The following GRM7 variants were observed in gnomAD, a reference collection of about 807,000 sequenced individuals.
GRM7 encodes the protein glutamate metabotropic receptor 7, also known as metabotropic glutamate receptor 7.
Under a neutral mutation model 84.5 loss-of-function variants are expected in GRM7, and 35 were observed. That is an observed-to-expected ratio of 0.41 (90% confidence interval 0.32 to 0.55). The LOEUF (loss-of-function observed/expected upper bound fraction) is 0.55. Among genes scored for constraint, GRM7 ranks in the 20% least tolerant of loss-of-function variants. The pLI, the probability that GRM7 is intolerant of heterozygous loss-of-function variation, is 0.19. For missense variants in GRM7, 1,003 were observed against 1,194.6 expected, an observed-to-expected ratio of 0.84 and a Z score of 2.36; for synonymous variants, 487 against 455.1, an observed-to-expected ratio of 1.07 and a Z score of -0.89.
intron 4 of GRM7, among the ~76,000 whole-genome samples, chr3:7,338,085 T>G (rs1701491971): frequency 6.7e-6 from 1 of 149,490 alleles, no homozygotes; most frequent in Non-Finnish European, 1.5e-5. Flanking sequence ...TACATTTATA[T>G]ATTATATATC....
At chr3:7,001,143 T>G (rs191977491) in intron 1 of GRM7, among the ~76,000 whole-genome samples, 3 of 152,240 alleles carry the variant, frequency 2.0e-5, no homozygotes, top group Admixed American at 1.3e-4. Context: ...CCTTTTTAAA[T>G]ACAATAAGCC....
At chr3:7,033,451 A>G (rs1696263398) in intron 1 of GRM7, among the ~76,000 whole-genome samples, 1 of 152,206 alleles carries the variant, frequency 6.6e-6, no homozygotes, top group African/African-American at 2.4e-5. Flanking sequence ...TTAGGGATAA[A>G]CATGAAAAGC....
rs1695252617 is a variant in GRM7, at chr3:7,008,322, G to A, written c.520-138130G>A. 2.0e-5 allele frequency among the ~76,000 whole-genome samples: 3 copies of A among 152,142 alleles called. No individual in the cohort carries two copies. In the South Asian group the frequency reaches 6.2e-4, roughly 32 times the overall value. On this transcript the variant is annotated intron_variant, in intron 1 of 9. Transcript: ENST00000357716. ...CCTATTTAGTTTGTTGTTGATTCAA[G>A]CTCATCTTTTGTTTAGGACCTGGTC...
chr3:6,927,678 T>C (rs1697362587), intron 1 of GRM7, among the ~76,000 whole-genome samples: 1 of 152,210 alleles, frequency 6.6e-6, no homozygotes, highest in South Asian at 2.1e-4. Flanking sequence ...AATCTACTCA[T>C]TTTATACACA....
intron 1 of GRM7, among the ~76,000 whole-genome samples, chr3:6,973,350 C>T (rs1693841314): frequency 6.6e-6 from 1 of 152,040 alleles, no homozygotes; most frequent in African/African-American, 2.4e-5. Context: ...GATCTCAGTA[C>T]TAAAGATTAG....
chr3:7,605,772 T>C (rs768524570), intron 8 of GRM7, among the ~76,000 whole-genome samples: 2 of 152,198 alleles, frequency 1.3e-5, no homozygotes, highest in African/African-American at 4.8e-5. Context: ...ATGATAACAC[T>C]GTATGGGGCA....
At chr3:6,905,573 T>TTC (rs57968526) in intron 1 of GRM7, among the ~76,000 whole-genome samples, 2 of 151,354 alleles carry the variant, frequency 1.3e-5, no homozygotes, top group Non-Finnish European at 2.9e-5. Context: ...CCCTTCCTCT[T>TTC]TCTCTCTCCC....
At chr3:7,707,930 ATTT>A (rs34344224) in intron 9 of GRM7, among the ~76,000 whole-genome samples, 33 of 123,648 alleles carry the variant, frequency 2.7e-4, no homozygotes, top group Admixed American at 4.1e-4. Context: ...GAAGCTTTCA[ATTT>A]TTTTTTTTTT....
intron 1 of GRM7, among the ~76,000 whole-genome samples, chr3:7,043,808 G>T (rs183329712): frequency 1.1e-3 from 162 of 152,240 alleles, no homozygotes; most frequent in Admixed American, 7.5e-3. Flanking sequence ...TCTGCAGTTG[G>T]TTTTCAGAAT....
At chr3:7,427,280 C>T (rs1239270218) in intron 5 of GRM7, among the ~76,000 whole-genome samples, 2 of 152,166 alleles carry the variant, frequency 1.3e-5, no homozygotes, top group East Asian at 3.8e-4. Flanking sequence ...ATGTATTGGT[C>T]TCTCAGCTTT....
chr3:7,692,465 T>A (rs999318712), intron 9 of GRM7, among the ~76,000 whole-genome samples: 1 of 152,194 alleles, frequency 6.6e-6, no homozygotes, highest in Non-Finnish European at 1.5e-5. Context: ...TCTTCCTTGA[T>A]ACTTGGAAGT....
chr3:7,642,084 A>G (rs1007583710), intron 8 of GRM7, among the ~76,000 whole-genome samples: 1 of 152,196 alleles, frequency 6.6e-6, no homozygotes, highest in Non-Finnish European at 1.5e-5. Context: ...AACCACATCT[A>G]GTGAACTGTT....
At position 6,946,491 on chromosome 3, in the gene GRM7, C is replaced by T. The variant is rs561205810; in HGVS notation, c.519+84584C>T. Reference sequence around the variant, plus strand: ...TGTAGTATAGTTTGAAGTCAGGTAGCGTGATGCTTCCAGCTTTGTTCTTTT... The same window carrying T: ...TGTAGTATAGTTTGAAGTCAGGTAGTGTGATGCTTCCAGCTTTGTTCTTTT... On this transcript the variant is annotated intron_variant, in intron 1 of 9. Transcript: ENST00000357716. 1.2e-4 allele frequency among the ~76,000 whole-genome samples: 18 copies of T among 152,196 alleles called. No homozygotes were observed. The South Asian group carries it at 1.7e-3, about 14-fold the overall frequency.
chr3:7,133,330 C>A (rs1461393101), intron 1 of GRM7, among the ~76,000 whole-genome samples: 1 of 152,214 alleles, frequency 6.6e-6, no homozygotes, highest in Non-Finnish European at 1.5e-5. Flanking sequence ...TAGTCCCCAA[C>A]TGTGACAATG....
intron 2 of GRM7, among the ~76,000 whole-genome samples, chr3:7,167,950 G>A (rs914649704): frequency 4.2e-5 from 5 of 120,196 alleles, no homozygotes; most frequent in African/African-American, 6.5e-5. Context: ...GTCTAGCCTG[G>A]GCGACTGAGC....
At chr3:6,949,533 C>G (rs928928888) in intron 1 of GRM7, among the ~76,000 whole-genome samples, 20 of 151,902 alleles carry the variant, frequency 1.3e-4, no homozygotes, top group Middle Eastern at 6.8e-3. Flanking sequence ...AATTATGTGT[C>G]TTGGAGTTGC....
At chr3:7,216,932 G>A (rs1200878550) in intron 2 of GRM7, among the ~76,000 whole-genome samples, 1 of 152,136 alleles carries the variant, frequency 6.6e-6, no homozygotes, top group Non-Finnish European at 1.5e-5. Context: ...TGGTATTCAG[G>A]CATTCCTGTA....
intron 7 of GRM7, among the ~76,000 whole-genome samples, chr3:7,511,781 G>A (rs1700219164): frequency 6.6e-6 from 1 of 152,204 alleles, no homozygotes; most frequent in South Asian, 2.1e-4. Flanking sequence ...AGAACAGGAT[G>A]TCTTGGTATC....
chr3:6,865,358 A>G (rs925691814), intron 1 of GRM7, among the ~76,000 whole-genome samples: 1 of 152,208 alleles, frequency 6.6e-6, no homozygotes, highest in African/African-American at 2.4e-5. Flanking sequence ...GGCAATAAGT[A>G]AGGTATATTA....
Sources: gnomAD v4.1 joint callset for allele counts (sites outside exome capture counted in the v4.1 genomes callset) on GRCh38, gnomAD v4.1.1 for gene constraint, MANE v1.5 for transcripts, NCBI Gene and HGNC (gene_info 2026-07-23, HGNC 2026-07-21) for gene names.